Variants in CSMD3 observed in about 807,000 individuals in gnomAD.
CSMD3 encodes CUB and sushi domain-containing protein 3.
CSMD3 carries 177 observed loss-of-function variants against 435.2 expected under a neutral mutation model. That is an observed-to-expected ratio of 0.41 (90% CI 0.36 to 0.46). The LOEUF is 0.46. Among genes scored for constraint, CSMD3 ranks in the 20% least tolerant of loss-of-function variants. The pLI is 0.34. For synonymous variants in CSMD3, 1,656 were observed against 1,520.5 expected (o/e 1.09, Z -2.07); for missense variants, 4,265 against 4,504.6 (o/e 0.95, Z 1.52).
intron 32 of CSMD3, among the ~76,000 whole-genome samples, chr8:112,469,160 C>CAAAAAAAAAAAAAAAAA: frequency 1.1e-5 from 1 of 91,644 alleles, no homozygotes; most frequent in African/African-American, 4.3e-5. Context: ...CTACACCAGG[C>CAAAAAAAAAAAAAAAAA]AAAAAAAAAA....
At chr8:113,370,175 T>C (rs897518760) in intron 1 of CSMD3, among the ~76,000 whole-genome samples, 1 of 151,180 alleles carries the variant, frequency 6.6e-6, no homozygotes, top group African/African-American at 2.4e-5. Flanking sequence ...TAAATACATA[T>C]AATTTCATAT....
At chr8:112,233,456 C>A (rs1200478318) in intron 68 of CSMD3, among the ~76,000 whole-genome samples, 2 of 152,196 alleles carry the variant, frequency 1.3e-5, no homozygotes, top group East Asian at 1.9e-4. Context: ...TACAATTAAA[C>A]AATCTGAGTG....
intron 13 of CSMD3, among the ~76,000 whole-genome samples, chr8:112,690,468 GACCAGGAC>G (rs1475904711): frequency 6.6e-6 from 1 of 151,656 alleles, no homozygotes; most frequent in Non-Finnish European, 1.5e-5. Context: ...CCTGAATCAT[GACCAGGAC>G]ACGAGGGAAC....
chr8:112,719,410 G>A (rs2076807449), intron 13 of CSMD3, among the ~76,000 whole-genome samples: 1 of 152,150 alleles, frequency 6.6e-6, no homozygotes, highest in Non-Finnish European at 1.5e-5. Flanking sequence ...ACTTGGCTTA[G>A]ACAACAGGCA....
intron 10 of CSMD3, among the ~76,000 whole-genome samples, chr8:112,879,568 G>C (rs2081390450): frequency 6.6e-6 from 1 of 151,924 alleles, no homozygotes; most frequent in African/African-American, 2.4e-5. Context: ...CCTCTTTTTT[G>C]AACTCCATAA....
intron 13 of CSMD3, among the ~76,000 whole-genome samples, chr8:112,703,684 CTTAATG>C (rs1189524105): frequency 6.6e-6 from 1 of 152,038 alleles, no homozygotes; most frequent in Non-Finnish European, 1.5e-5. Flanking sequence ...TTTGCTGATT[CTTAATG>C]TTAAGAAGCC....
intron 4 of CSMD3, among the ~76,000 whole-genome samples, chr8:113,136,017 A>C (rs2091409190): frequency 1.3e-5 from 2 of 151,900 alleles, no homozygotes; most frequent in Non-Finnish European, 1.5e-5. Flanking sequence ...TGAGAATGCA[A>C]ACAGGCACAA....
chr8:113,205,200 C>T (rs1349139361), intron 3 of CSMD3, among the ~76,000 whole-genome samples: 1 of 152,112 alleles, frequency 6.6e-6, no homozygotes. Flanking sequence ...CCAGGCTGGT[C>T]TCTAACTCCT....
chr8:113,032,481 A>G (rs974113258), intron 5 of CSMD3, among the ~76,000 whole-genome samples: 1 of 151,482 alleles, frequency 6.6e-6, no homozygotes, highest in Non-Finnish European at 1.5e-5. Flanking sequence ...AGCTTGAGAG[A>G]GATGATTTAG....
At position 112,607,932 on chromosome 8, in the gene CSMD3, A is replaced by G. The variant is rs372686474; in HGVS notation, c.3716-20697T>C. Among the ~76,000 whole-genome samples the G allele has an allele frequency of 2.0e-5, 3 of 152,280 alleles. No homozygotes were observed. The South Asian group carries it at 6.2e-4, about 32-fold the overall frequency. ...CCCACTCTCACTAATTCTATTCACC[A>G]TAGCACTGAAAGTTCTAGCCAGAGC... On this transcript the variant is annotated intron_variant, in intron 22 of 70. Transcript: ENST00000297405.
intron 3 of CSMD3, among the ~76,000 whole-genome samples, chr8:113,211,021 A>G (rs1415037879): frequency 6.6e-6 from 1 of 152,150 alleles, no homozygotes; most frequent in African/African-American, 2.4e-5. Context: ...CAGTCTAGCT[A>G]TCATAATGCT....
chr8:113,029,621 T>C (rs551979924), intron 5 of CSMD3, among the ~76,000 whole-genome samples: 14 of 151,692 alleles, frequency 9.2e-5, no homozygotes, highest in African/African-American at 2.2e-4. Flanking sequence ...ACAAGGGACA[T>C]ATCTTAATGT....
rs532838506 is a variant in CSMD3 at position 112,884,557 on chromosome 8, C to A, written c.1634-25291G>T. Among the ~76,000 whole-genome samples the A allele has an allele frequency of 3.3e-5, 5 of 151,916 alleles. No homozygotes were observed. The South Asian group carries it at 1.0e-3, about 32-fold the overall frequency. ...ACCAGATGCCAGTGGCACATCCTTT[C>A]CCCCACAATTGAGGGGGAGTTGTGA... On this transcript the variant is annotated intron_variant, in intron 10 of 70. Coordinates refer to ENST00000297405, the MANE Select transcript of CSMD3 (RefSeq NM_198123.2).
chr8:112,276,601 A>G (rs1182855707), intron 59 of CSMD3, among the ~76,000 whole-genome samples: 1 of 151,786 alleles, frequency 6.6e-6, no homozygotes, highest in African/African-American at 2.4e-5. Context: ...TACTGTGTGC[A>G]GTCTAGGAAT....
At chr8:112,681,453 T>C (rs2075892122) in intron 16 of CSMD3, among the ~76,000 whole-genome samples, 1 of 152,168 alleles carries the variant, frequency 6.6e-6, no homozygotes, top group Non-Finnish European at 1.5e-5. Flanking sequence ...CAAATCTAAA[T>C]AAAGGTCCCT....
intron 13 of CSMD3, among the ~76,000 whole-genome samples, chr8:112,751,798 AT>A (rs2077577714): frequency 6.6e-6 from 1 of 151,888 alleles, no homozygotes; most frequent in African/African-American, 2.4e-5. Context: ...ATTTAAAGCC[AT>A]TATTTCTTTT....
chr8:112,397,964 C>T (rs925317021), intron 35 of CSMD3, among the ~76,000 whole-genome samples: 8 of 152,150 alleles, frequency 5.3e-5, no homozygotes, highest in Non-Finnish European at 8.8e-5. Flanking sequence ...ATATGGGTGA[C>T]ACTTTAAGAT....
intron 3 of CSMD3, among the ~76,000 whole-genome samples, chr8:113,237,868 A>C (rs923404493): frequency 6.2e-4 from 95 of 152,178 alleles, no homozygotes; most frequent in African/African-American, 2.2e-3. Context: ...CGAGGTCAGG[A>C]GTTAGAGACC....
At chr8:113,266,814 T>C (rs916345809) in intron 3 of CSMD3, among the ~76,000 whole-genome samples, 2 of 151,486 alleles carry the variant, frequency 1.3e-5, no homozygotes, top group Non-Finnish European at 3.0e-5. Context: ...TTTGAAGTGG[T>C]TTTCAATGTA....
Sources: allele counts gnomAD v4.1 joint callset (sites outside exome capture counted in the v4.1 genomes callset), GRCh38; gene constraint gnomAD v4.1.1; transcripts MANE v1.5; gene names NCBI Gene and HGNC (gene_info 2026-07-23, HGNC 2026-07-21).